The following COA7 variants were observed in gnomAD, a reference collection of about 807,000 sequenced individuals.
The protein encoded by COA7 is cytochrome c oxidase assembly factor 7, also known as Sel1 repeat containing 1.
A neutral mutation model predicts 21.0 loss-of-function variants in COA7; 12 were observed. That is an observed-to-expected ratio of 0.57 (90% CI 0.37 to 0.92). The LOEUF is 0.92. COA7 is among the 40% of genes least tolerant of loss of function. COA7 has a pLI of 0.01. For synonymous variants in COA7, 95 were observed against 107.4 expected (o/e 0.88, Z 0.72); for missense variants, 240 against 286.1 (o/e 0.84, Z 1.16).
Position 52,698,271 on chromosome 1 carries a change from T to G in COA7, c.56A>C (p.Asn19Thr). 1.2e-6 allele frequency: 2 copies of G among 1,613,050 alleles called. No homozygotes were observed. Among genetic ancestry groups the G allele is most frequent in the Non-Finnish European group, 1.7e-6 (2 of 1,179,844 alleles). Residue 19 changes from asparagine to threonine, a missense_variant, in exon 1 of 3, where the codon AAC becomes ACC. By Grantham distance (65) the Asn-to-Thr change is moderately conservative. Coordinates refer to ENST00000371538, the MANE Select transcript of COA7 (RefSeq NM_023077.3). ...DEEQVKSFLE[N>T]MEVECNYHCY... ...GTGGTAGTTGCACTCCACCTCCATG[T>G]TCTCCAAAAAGGACTTGACCTGCTC...
Position 52,687,853 on chromosome 1 carries a change from GCACAGGCCCAGATATGACCCAGGT to G in COA7, c.539_562del (p.Asp180_Cys187del). On this transcript the variant is annotated inframe_deletion, in exon 3 of 3. Transcript: ENST00000371538. ...CAGCTTGTACATGCGACTGGCATTG[GCACAGGCCCAGATATGACCCAGGT>G]CACAGGCTTTCATGGAGTATTTACA... is the stretch of plus-strand genomic sequence containing the variant. 1 of 1,614,236 alleles carries G rather than the reference GCACAGGCCCAGATATGACCCAGGT, an allele frequency of 6.2e-7. No homozygotes were observed. The highest frequency in any genetic ancestry group is 8.5e-7 in the Non-Finnish European group (1 of 1,180,046).
At chr1:52,688,933 T>C (rs1394755358) in intron 2 of COA7, among the ~76,000 whole-genome samples, 2 of 152,020 alleles carry the variant, frequency 1.3e-5, no homozygotes, top group East Asian at 3.9e-4. Context: ...GGGCCCTCCA[T>C]ATCCATGGGT....
chr1:52,697,886 T>G, intron 1 of COA7: 2 of 253,338 alleles, frequency 7.9e-6, no homozygotes, highest in South Asian at 6.7e-5. Flanking sequence ...CTTACTACTT[T>G]CGAACACGAT....
intron 2 of COA7, among the ~76,000 whole-genome samples, chr1:52,689,803 A>G (rs1258517680): frequency 6.6e-6 from 1 of 151,962 alleles, no homozygotes; most frequent in Non-Finnish European, 1.5e-5. Context: ...AGGCGGGTGG[A>G]TCACGAGGTC....
At chr1:52,697,115 AC>A (rs1644090135) in intron 1 of COA7, among the ~76,000 whole-genome samples, 2 of 149,752 alleles carry the variant, frequency 1.3e-5, no homozygotes, top group South Asian at 4.1e-4. Context: ...TCTCAAAAAA[AC>A]AAAAAAATTA....
At chr1:52,691,910 A>G (rs746903373) in intron 2 of COA7, among the ~76,000 whole-genome samples, 1 of 152,222 alleles carries the variant, frequency 6.6e-6, no homozygotes, top group Non-Finnish European at 1.5e-5. Flanking sequence ...ACTTCCAAAG[A>G]TAGGTCATAG....
At chr1:52,692,999 G>T in intron 1 of COA7, 132 bp from the exon 2 acceptor site, 1 of 906,388 alleles carries the variant, frequency 1.1e-6, no homozygotes, top group Non-Finnish European at 1.7e-6. Flanking sequence ...CTCCTGATGT[G>T]TGGCAAGTTG....
intron 2 of COA7, among the ~76,000 whole-genome samples, chr1:52,691,434 T>C (rs1260599801): frequency 6.7e-6 from 1 of 149,230 alleles, no homozygotes; most frequent in Admixed American, 6.7e-5. Context: ...AAAAGCTGCC[T>C]GTCAAAGGTC....
chr1:52,694,306 A>G lies in COA7; in HGVS notation c.107-1439T>C, dbSNP rs571243726. On this transcript the variant is annotated intron_variant, in intron 1 of 2. Coordinates refer to ENST00000371538, the MANE Select transcript of COA7 (RefSeq NM_023077.3). ...AAACCTCGTCTCTACTAAAAATACGAAAATATTAGCCGGGCATGGTGGCGC... is the reference window on the plus strand; with the variant it reads ...AAACCTCGTCTCTACTAAAAATACGGAAATATTAGCCGGGCATGGTGGCGC... Among the ~76,000 whole-genome samples, 5 of 152,258 alleles carry G rather than the reference A, an allele frequency of 3.3e-5. No individual in the cohort carries two copies. The South Asian group carries it at 1.0e-3, about 32-fold the overall frequency.
chr1:52,687,015 G>A lies in COA7; in HGVS notation c.*705C>T, dbSNP rs1644010868. 1 of 152,220 alleles carries A rather than the reference G, an allele frequency of 6.6e-6. No homozygotes were observed. Among genetic ancestry groups the A allele is most frequent in the African/African-American group, 2.4e-5 (1 of 41,442 alleles). The allele number at this position is 152,220 out of a possible 1,614,324, so 9.4% of individuals were successfully genotyped here. A position where few individuals can be genotyped will look rare whatever the true frequency, so the allele number is the denominator to read the frequency against. ...ACACTGGAGGTGCTAATTTTTAACT[G>A]CCAATGTCTCTTCTAGACGATGGCA... is the stretch of plus-strand genomic sequence containing the variant. On this transcript the variant is annotated 3_prime_UTR_variant, in exon 3 of 3. Transcript: ENST00000371538.
At chr1:52,690,764 C>T (rs927622289) in intron 2 of COA7, among the ~76,000 whole-genome samples, 1 of 152,076 alleles carries the variant, frequency 6.6e-6, no homozygotes, top group East Asian at 1.9e-4. Context: ...CTGCAGCCTC[C>T]ACCTCCCGGG....
intron 1 of COA7, among the ~76,000 whole-genome samples, chr1:52,694,061 C>T (rs1041630362): frequency 6.6e-6 from 1 of 152,152 alleles, no homozygotes; most frequent in Non-Finnish European, 1.5e-5. Context: ...GAGCTAAATA[C>T]TGTGTACACA....
intron 2 of COA7, among the ~76,000 whole-genome samples, chr1:52,691,366 A>AT (rs912053344): frequency 4.7e-5 from 7 of 149,510 alleles, no homozygotes; most frequent in African/African-American, 1.5e-4. Context: ...GTGAGTTATG[A>AT]TTTTATCACT....
Position 52,698,306 on chromosome 1 carries a change from G to T in COA7, c.21C>A (p.Phe7Leu). Residue 7 changes from phenylalanine (F) to leucine (L), a missense_variant, in exon 1 of 3, where the codon TTC (phenylalanine) becomes TTA (leucine). Phe to Leu is a conservative substitution (Grantham distance 22). Transcript: ENST00000371538. Reference protein sequence around the residue: MAGMVDFQDEEQVKSFL... With the variant: MAGMVDLQDEEQVKSFL... ...AGGACTTGACCTGCTCCTCATCCTG[G>T]AAGTCCACCATGCCGGCCATGGTTC... 1 of 1,611,820 alleles carries T rather than the reference G, an allele frequency of 6.2e-7. No individual in the cohort carries two copies. Among genetic ancestry groups the T allele is most frequent in the Non-Finnish European group, 8.5e-7 (1 of 1,179,672 alleles).
In COA7 at chr1:52,686,097, C is replaced by G. The variant is rs1191824996; in HGVS notation, c.*1623G>C. The G allele has an allele frequency of 6.6e-6, 1 of 152,178 alleles. No individual in the cohort carries two copies. Among genetic ancestry groups the G allele is most frequent in the Non-Finnish European group, 1.5e-5 (1 of 68,096 alleles). The allele number at this position is 152,178 out of a possible 1,614,324, so 9.4% of individuals were successfully genotyped here. A position where few individuals can be genotyped will look rare whatever the true frequency, so the allele number is the denominator to read the frequency against. On this transcript the variant is annotated 3_prime_UTR_variant, in exon 3 of 3. Coordinates refer to ENST00000371538, the MANE Select transcript of COA7 (RefSeq NM_023077.3). ...GCCAGGCTGATCTCGAACTCCTGACCTCAAGTGATCCACCTGCCTTGGCCT... is the reference window on the plus strand; with the variant it reads ...GCCAGGCTGATCTCGAACTCCTGACGTCAAGTGATCCACCTGCCTTGGCCT...
intron 2 of COA7, among the ~76,000 whole-genome samples, chr1:52,691,755 T>A (rs1019094004): frequency 6.6e-6 from 1 of 152,194 alleles, no homozygotes; most frequent in African/African-American, 2.4e-5. Flanking sequence ...ATTACAGGCA[T>A]GAGCCACCGT....
intron 2 of COA7, among the ~76,000 whole-genome samples, chr1:52,692,154 C>T (rs186479956): frequency 2.4e-4 from 36 of 152,324 alleles, no homozygotes; most frequent in Admixed American, 2.0e-3. Context: ...TGTCTCCAGC[C>T]CTGGCTCCCT....
chr1:52,694,304 C>T (rs546654331), intron 1 of COA7, among the ~76,000 whole-genome samples: 4 of 152,028 alleles, frequency 2.6e-5, no homozygotes, highest in East Asian at 1.9e-4. Flanking sequence ...ACTAAAAATA[C>T]GAAAATATTA....
At position 52,690,631 on chromosome 1, in the gene COA7, T is replaced by C. The variant is rs1644038538; in HGVS notation, c.247+2096A>G. Among the ~76,000 whole-genome samples the C allele has an allele frequency of 5.3e-5, 8 of 152,196 alleles. No homozygotes were observed. The South Asian group carries it at 1.7e-3, about 32-fold the overall frequency. Reference sequence around the variant, plus strand: ...GCTATCAAGAGTTTAGAAAAAATATTAAAAGGTTAGAATCATTTTTATTTT... The same window carrying C: ...GCTATCAAGAGTTTAGAAAAAATATCAAAAGGTTAGAATCATTTTTATTTT... On this transcript the variant is annotated intron_variant, in intron 2 of 2. Coordinates refer to ENST00000371538, the MANE Select transcript of COA7 (RefSeq NM_023077.3).
Sources: gnomAD v4.1 joint callset for allele counts (sites outside exome capture counted in the v4.1 genomes callset) on GRCh38, gnomAD v4.1.1 for gene constraint, MANE v1.5 for transcripts, NCBI Gene and HGNC (gene_info 2026-07-23, HGNC 2026-07-21) for gene names.